The following ZSWIM9 variants were observed in gnomAD, a reference collection of about 807,000 sequenced individuals.
The protein encoded by ZSWIM9 is uncharacterized protein ZSWIM9.
A neutral mutation model predicts 25.0 loss-of-function variants in ZSWIM9; 11 were observed. The observed-to-expected ratio is 0.44, with a 90% CI of 0.28 to 0.73. The LOEUF is 0.73. Ranked by LOEUF, ZSWIM9 falls within the 30% of genes least tolerant of loss-of-function variation. The probability of loss-of-function intolerance (pLI) is 0.16; values close to 1 mark genes in which losing one functional copy is unlikely to be tolerated. For missense variants in ZSWIM9, 1,070 were observed against 1,296.5 expected (o/e 0.83, Z 2.68); for synonymous variants, 562 against 582.1 (o/e 0.97, Z 0.50).
chr19:48,185,425 G>T (rs957161050), intron 3 of ZSWIM9, among the ~76,000 whole-genome samples: 14 of 152,122 alleles, frequency 9.2e-5, no homozygotes, highest in African/African-American at 3.4e-4. Flanking sequence ...ATGAGCCACC[G>T]TGCCCAGCCC....
chr19:48,179,321 C>T lies in ZSWIM9; in HGVS notation c.276-3134C>T, dbSNP rs114351460. ...GGACTATGGGTGTGTGCCACAATGCCTGACTACTTTTTTATGTTTTAATTT... is the reference window on the plus strand; with the variant it reads ...GGACTATGGGTGTGTGCCACAATGCTTGACTACTTTTTTATGTTTTAATTT... On this transcript the variant is annotated intron_variant, in intron 2 of 3. Coordinates refer to ENST00000614654, the MANE Select transcript of ZSWIM9 (RefSeq NM_199341.4). Among the ~76,000 whole-genome samples, 308 of 152,104 alleles carry T rather than the reference C, an allele frequency of 2.0e-3. 5 individuals carry two copies. Among genetic ancestry groups the T allele is most frequent in the African/African-American group, 6.8e-3 (284 of 41,494 alleles).
At chr19:48,188,889 GGT>G (rs557854550) in intron 3 of ZSWIM9, among the ~76,000 whole-genome samples, 150 of 152,044 alleles carry the variant, frequency 9.9e-4, no homozygotes, top group Admixed American at 3.5e-3. Flanking sequence ...AAATTAGCCA[GGT>G]GTGGTGGCAG....
At chr19:48,178,019 T>C (rs1568574897) in intron 2 of ZSWIM9, among the ~76,000 whole-genome samples, 2 of 152,192 alleles carry the variant, frequency 1.3e-5, no homozygotes, top group Admixed American at 6.5e-5. Flanking sequence ...TGGCTCAGCC[T>C]CCTGAGTAGC....
intron 3 of ZSWIM9, among the ~76,000 whole-genome samples, chr19:48,187,478 ATT>A (rs1204220599): frequency 1.5e-5 from 1 of 65,468 alleles, no homozygotes; most frequent in African/African-American, 6.9e-5. Flanking sequence ...TATTATATAT[ATT>A]ATATATTATA....
At chr19:48,171,646 T>C in intron 1 of ZSWIM9, 148 bp from the exon 2 acceptor site, 1 of 774,936 alleles carries the variant, frequency 1.3e-6, no homozygotes, top group Non-Finnish European at 2.0e-6. Flanking sequence ...TATTTATATA[T>C]TTGGAGAAAA....
At chr19:48,187,411 T>G (rs2037026859) in intron 3 of ZSWIM9, among the ~76,000 whole-genome samples, 1 of 91,522 alleles carries the variant, frequency 1.1e-5, no homozygotes, top group Non-Finnish European at 2.1e-5. Context: ...TAATTATATA[T>G]TATAATTATA....
intron 3 of ZSWIM9, among the ~76,000 whole-genome samples, chr19:48,185,047 G>C (rs560023218): frequency 3.2e-4 from 48 of 152,336 alleles, no homozygotes; most frequent in African/African-American, 1.1e-3. Flanking sequence ...TTCCCTGGAA[G>C]GGGAGTTGTC....
chr19:48,172,796 C>T (rs928493584), intron 2 of ZSWIM9, among the ~76,000 whole-genome samples: 1 of 151,586 alleles, frequency 6.6e-6, no homozygotes, highest in Non-Finnish European at 1.5e-5. Context: ...ATTACAGCCG[C>T]GAGCCACTGT....
Position 48,187,574 on chromosome 19 carries a change from T to TATTATATAATATA in ZSWIM9, c.588+4809_588+4810insTATATAATATAAT, listed in dbSNP as rs2037043165. ...TATATATATTATATATAATATTATA[T>TATTATATAATATA]ATATTATATATTATATAATATAATA... On this transcript the variant is annotated intron_variant, in intron 3 of 3. Coordinates refer to ENST00000614654, the MANE Select transcript of ZSWIM9 (RefSeq NM_199341.4). 1.3e-4 allele frequency: 8 copies of TATTATATAATATA among 59,948 alleles called. No homozygotes were observed. The South Asian group carries it at 2.2e-3, about 17-fold the overall frequency. 3.7% of individuals were successfully genotyped at this position (59,948 alleles called of 1,614,324 possible). A position where few individuals can be genotyped will look rare whatever the true frequency, so the allele number is the denominator to read the frequency against.
At position 48,195,716 on chromosome 19, in the gene ZSWIM9, T is replaced by A; in HGVS notation, c.1652T>A (p.Leu551Gln). The A allele has an allele frequency of 6.8e-7, 1 of 1,469,702 alleles. No individual in the cohort carries two copies. The highest frequency in any genetic ancestry group is 8.9e-7 in the Non-Finnish European group (1 of 1,117,682). 91.0% of individuals were successfully genotyped at this position (1,469,702 alleles called of 1,614,324 possible). ...GGGTCGAAGTTAGAGAAAGGGCACCTGAGAGGGCCAGAGATTAGAGACTGG... is the reference window on the plus strand; with the variant it reads ...GGGTCGAAGTTAGAGAAAGGGCACCAGAGAGGGCCAGAGATTAGAGACTGG... The part of the protein sequence containing the change: ...LRGSKLEKGH[L>Q]RGPEIRDWRG... The change falls in exon 4 of 4, where the codon CTG becomes CAG. Residue 551 changes from leucine to glutamine, a missense_variant. Leu to Gln is a moderately radical substitution (Grantham distance 113). Around this residue, in one of 4 missense-constraint regions of ZSWIM9, gnomAD observed 583 missense variants for 624.7 expected, o/e 0.93. Coordinates refer to ENST00000614654, the MANE Select transcript of ZSWIM9 (RefSeq NM_199341.4). This position sits in a 1 kb window ranked among gnomAD's most constrained non-coding sequence, Gnocchi z 5.8.
intron 3 of ZSWIM9, among the ~76,000 whole-genome samples, chr19:48,187,476 A>AT (rs1323245047): frequency 9.1e-5 from 6 of 65,574 alleles, no homozygotes; most frequent in African/African-American, 4.1e-4. Context: ...TATATTATAT[A>AT]TATTATATAT....
Position 48,182,422 on chromosome 19 carries a change from A to G in ZSWIM9, c.276-33A>G. The G allele has an allele frequency of 6.7e-7, 1 of 1,486,830 alleles. No individual in the cohort carries two copies. The highest frequency in any genetic ancestry group is 9.0e-7 in the Non-Finnish European group (1 of 1,111,336). The allele number at this position is 1,486,830 out of a possible 1,614,324, so 92.1% of individuals were successfully genotyped here. A position where few individuals can be genotyped will look rare whatever the true frequency, so the allele number is the denominator to read the frequency against. On this transcript the variant is annotated intron_variant, in intron 2 of 3. Coordinates refer to ENST00000614654, the MANE Select transcript of ZSWIM9 (RefSeq NM_199341.4). This position sits in a 1 kb window ranked among gnomAD's most constrained non-coding sequence, Gnocchi z 4.6. ...AAAGGAAGAAGAGGGCAGCAGAGTG[A>G]TGTGACCAGGGCGGTGGTGGTTCCT... is the stretch of plus-strand genomic sequence containing the variant.
At chr19:48,171,094 G>A in intron 1 of ZSWIM9, 2 of 304,902 alleles carry the variant, frequency 6.6e-6, no homozygotes, top group Non-Finnish European at 9.6e-6. Flanking sequence ...TAGGCGAAGC[G>A]TGGATAACTG....
intron 3 of ZSWIM9, among the ~76,000 whole-genome samples, chr19:48,184,796 C>G (rs755250054): frequency 6.6e-6 from 1 of 152,200 alleles, no homozygotes; most frequent in Non-Finnish European, 1.5e-5. Context: ...GTAACTGGCT[C>G]AAAGTCACAC....
At chr19:48,187,470 T>A (rs10084137) in intron 3 of ZSWIM9, among the ~76,000 whole-genome samples, 2 of 86,712 alleles carry the variant, frequency 2.3e-5, no homozygotes, top group African/African-American at 5.0e-5. Flanking sequence ...ATTATATATA[T>A]TATATATATT....
chr19:48,182,208 T>C lies in ZSWIM9; in HGVS notation c.276-247T>C, dbSNP rs1331800136. The C allele has an allele frequency of 1.8e-6, 1 of 551,176 alleles. No individual in the cohort carries two copies. The highest frequency in any genetic ancestry group is 1.9e-5 in the African/African-American group (1 of 52,816). 34.1% of individuals were successfully genotyped at this position (551,176 alleles called of 1,614,324 possible). On this transcript the variant is annotated intron_variant, in intron 2 of 3. Transcript: ENST00000614654. The surrounding 1 kb of genome is among the most constrained non-coding windows in gnomAD (Gnocchi z 4.6). The stretch of plus-strand genomic sequence containing the variant: ...GGTGCTTTACCTATATTAACTCTTT[T>C]CATGCTCATGACGATCCTATGAGGA...
At chr19:48,171,282 C>G in intron 1 of ZSWIM9, 1 of 985,232 alleles carries the variant, frequency 1.0e-6, no homozygotes, top group Non-Finnish European at 1.2e-6. Flanking sequence ...GGGTCCGTGG[C>G]CTGGATGTGG....
intron 2 of ZSWIM9, among the ~76,000 whole-genome samples, chr19:48,174,079 A>G (rs750254698): frequency 7.2e-4 from 108 of 151,028 alleles, no homozygotes; most frequent in Non-Finnish European, 1.3e-3. Flanking sequence ...AAACCCTGCC[A>G]CTCTCTGCTG....
chr19:48,187,443 T>A (rs2037029675), intron 3 of ZSWIM9, among the ~76,000 whole-genome samples: 1 of 86,910 alleles, frequency 1.2e-5, no homozygotes, highest in African/African-American at 4.1e-5. Context: ...ATTATATATA[T>A]TATATATTAT....
Sources: gnomAD v4.1 joint callset for allele counts (sites outside exome capture counted in the v4.1 genomes callset) on GRCh38, gnomAD v4.1.1 for gene constraint, gnomAD v4.1.1 regional missense constraint, Gnocchi (gnomAD v3.1) non-coding constraint, MANE v1.5 for transcripts, NCBI Gene and HGNC (gene_info 2026-07-23, HGNC 2026-07-21) for gene names.